MGAT4C: variants seen among roughly 807,000 people sequenced by gnomAD.
MGAT4C encodes alpha-1,3-mannosyl-glycoprotein 4-beta-N-acetylglucosaminyltransferase C.
A neutral mutation model predicts 40.1 loss-of-function variants in MGAT4C; 19 were observed. The ratio of observed to expected loss-of-function variants is 0.47; its 90% CI spans 0.33 to 0.70. The LOEUF is 0.70. Among genes scored for constraint, MGAT4C ranks in the 30% least tolerant of loss-of-function variants. The probability of loss-of-function intolerance (pLI) is 0.02; values close to 1 mark genes in which losing one functional copy is unlikely to be tolerated. For synonymous variants in MGAT4C, 181 were observed against 187.1 expected (o/e 0.97, Z 0.27); for missense variants, 491 against 563.2 (o/e 0.87, Z 1.30).
intron 3 of MGAT4C, among the ~76,000 whole-genome samples, chr12:86,407,380 T>A (rs962322384): frequency 6.6e-6 from 1 of 152,126 alleles, no homozygotes; most frequent in Non-Finnish European, 1.5e-5. Flanking sequence ...TAGAAGATTA[T>A]ACACGTTGTT....
intron 1 of MGAT4C, among the ~76,000 whole-genome samples, chr12:86,735,767 T>C (rs987030310): frequency 6.6e-6 from 1 of 151,902 alleles, no homozygotes; most frequent in Non-Finnish European, 1.5e-5. Context: ...TGAAACTGAC[T>C]GTTCATCCTC....
At chr12:86,118,605 A>C (rs1592988636) in intron 1 of MGAT4C, among the ~76,000 whole-genome samples, 1 of 152,274 alleles carries the variant, frequency 6.6e-6, no homozygotes, top group East Asian at 1.9e-4. Context: ...CCAATGCTGA[A>C]TGCCAAAACT....
chr12:86,514,111 A>ACACACAC (rs1475679807), intron 2 of MGAT4C, among the ~76,000 whole-genome samples: 10 of 126,578 alleles, frequency 7.9e-5, no homozygotes, highest in African/African-American at 3.2e-4. Flanking sequence ...CACACACACA[A>ACACACAC]CCCCGGCTTA....
intron 2 of MGAT4C, among the ~76,000 whole-genome samples, chr12:86,719,561 T>C (rs1380658278): frequency 6.6e-6 from 1 of 152,194 alleles, no homozygotes; most frequent in African/African-American, 2.4e-5. Flanking sequence ...GATGGCTCAG[T>C]CTTATTGCCT....
intron 2 of MGAT4C, among the ~76,000 whole-genome samples, chr12:86,609,039 G>T (rs1014621989): frequency 2.6e-5 from 4 of 152,052 alleles, no homozygotes; most frequent in Admixed American, 2.0e-4. Context: ...ACAAAAAAGA[G>T]CATGCCAAAG....
intron 2 of MGAT4C, among the ~76,000 whole-genome samples, chr12:86,642,371 A>G (rs542954652): frequency 6.6e-6 from 1 of 151,982 alleles, no homozygotes; most frequent in Admixed American, 6.6e-5. Context: ...GAAACTCTAC[A>G]GGAGAGGGTT....
intron 1 of MGAT4C, among the ~76,000 whole-genome samples, chr12:86,087,833 C>T (rs1023672928): frequency 1.3e-5 from 2 of 151,782 alleles, no homozygotes; most frequent in African/African-American, 2.4e-5. Context: ...TATTGCTATT[C>T]CTATCAAACT....
At chr12:86,710,702 A>G (rs1242197594) in intron 2 of MGAT4C, among the ~76,000 whole-genome samples, 1 of 152,216 alleles carries the variant, frequency 6.6e-6, no homozygotes, top group African/African-American at 2.4e-5. Context: ...ACCCAAAGGA[A>G]AAAAAGTCAT....
intron 2 of MGAT4C, among the ~76,000 whole-genome samples, chr12:86,461,370 C>T (rs943907299): frequency 2.0e-5 from 3 of 151,702 alleles, no homozygotes; most frequent in Admixed American, 2.0e-4. Context: ...CTCAGCCTCC[C>T]GAGTAGCTGG....
chr12:86,587,059 T>A (rs1407698084), intron 2 of MGAT4C, among the ~76,000 whole-genome samples: 2 of 152,098 alleles, frequency 1.3e-5, no homozygotes, highest in African/African-American at 2.4e-5. Context: ...TTGCCTAGGT[T>A]TTCTTTTAGG....
At chr12:86,462,537 T>A (rs1336950179) in intron 2 of MGAT4C, among the ~76,000 whole-genome samples, 1 of 152,122 alleles carries the variant, frequency 6.6e-6, no homozygotes, top group Non-Finnish European at 1.5e-5. Context: ...GGGAGTTTAT[T>A]AAGGAGTATT....
intron 1 of MGAT4C, among the ~76,000 whole-genome samples, chr12:86,075,044 C>G (rs562172136): frequency 3.9e-4 from 60 of 152,074 alleles, no homozygotes; most frequent in Non-Finnish European, 4.4e-4. Flanking sequence ...AACAGTCCCC[C>G]AATCTTAACT....
chr12:86,009,480 T>C (rs1004409228), intron 2 of MGAT4C, among the ~76,000 whole-genome samples: 1 of 152,172 alleles, frequency 6.6e-6, no homozygotes, highest in Non-Finnish European at 1.5e-5. Flanking sequence ...ATCTTAGCTA[T>C]GTCTCTTCAA....
intron 3 of MGAT4C, among the ~76,000 whole-genome samples, chr12:86,378,108 A>T (rs1394773434): frequency 6.6e-6 from 1 of 152,088 alleles, no homozygotes; most frequent in East Asian, 1.9e-4. Context: ...TCATCTGTTA[A>T]TAGATATTTT....
At chr12:86,025,826 G>T (rs1324873073) in intron 2 of MGAT4C, among the ~76,000 whole-genome samples, 1 of 151,588 alleles carries the variant, frequency 6.6e-6, no homozygotes, top group Admixed American at 6.6e-5. Context: ...AGGTGTATCT[G>T]ACTCCCCAGA....
At chr12:86,159,993 C>G (rs1885412859) in intron 1 of MGAT4C, among the ~76,000 whole-genome samples, 1 of 151,988 alleles carries the variant, frequency 6.6e-6, no homozygotes, top group Admixed American at 6.6e-5. Context: ...AAAACCAATT[C>G]TTGGTTACGT....
At chr12:86,376,218 C>CAAA (rs1166300466) in intron 3 of MGAT4C, among the ~76,000 whole-genome samples, 13 of 50,706 alleles carry the variant, frequency 2.6e-4, no homozygotes, top group Admixed American at 5.9e-4. Flanking sequence ...TAACACATGT[C>CAAA]AAAAAAAAAA....
chr12:86,188,928 C>T (rs1312315411), intron 1 of MGAT4C, among the ~76,000 whole-genome samples: 1 of 151,720 alleles, frequency 6.6e-6, no homozygotes, highest in African/African-American at 2.4e-5. Context: ...TAAATAATGC[C>T]TTTAAGTCAA....
chr12:86,753,794 A>C (rs1267685477), intron 1 of MGAT4C, among the ~76,000 whole-genome samples: 2 of 152,138 alleles, frequency 1.3e-5, no homozygotes, highest in Non-Finnish European at 2.9e-5. Context: ...GAAAATGCAA[A>C]TTAAACCACA....
Sources: allele counts gnomAD v4.1 joint callset (sites outside exome capture counted in the v4.1 genomes callset), GRCh38; gene constraint gnomAD v4.1.1; transcripts MANE v1.5; gene names NCBI Gene and HGNC (gene_info 2026-07-23, HGNC 2026-07-21).